The following CADM2 variants were observed in gnomAD, a reference collection of about 807,000 sequenced individuals.
The protein encoded by CADM2 is cell adhesion molecule 2.
In CADM2, 12 loss-of-function variants were observed where a neutral mutation model predicts 49.8. The observed-to-expected ratio is 0.24, with a 90% CI of 0.15 to 0.39. The LOEUF (loss-of-function observed/expected upper bound fraction) is 0.39, where lower values mean the gene tolerates loss of function less well. Ranked by LOEUF, CADM2 falls within the 10% of genes least tolerant of loss-of-function variation. The pLI, the probability that CADM2 is intolerant of heterozygous loss-of-function variation, is 1.00. For synonymous variants in CADM2, 214 were observed against 175.4 expected, an observed-to-expected ratio of 1.22 and a Z score of -1.74; for missense variants, 378 against 492.3, an observed-to-expected ratio of 0.77 and a Z score of 2.20.
At chr3:85,081,698 C>A (rs1575824913) in intron 1 of CADM2, among the ~76,000 whole-genome samples, 1 of 152,270 alleles carries the variant, frequency 6.6e-6, no homozygotes, top group East Asian at 1.9e-4. Flanking sequence ...AATTCCTCAG[C>A]TCTGTCTAAC....
chr3:85,194,600 A>G (rs2041292985), intron 1 of CADM2, among the ~76,000 whole-genome samples: 1 of 152,078 alleles, frequency 6.6e-6, no homozygotes, highest in Non-Finnish European at 1.5e-5. Context: ...AAGAATAGAA[A>G]TAAGGCTAAA....
chr3:85,808,265 A>G (rs1396738237), intron 3 of CADM2, among the ~76,000 whole-genome samples: 4 of 152,218 alleles, frequency 2.6e-5, no homozygotes, highest in African/African-American at 9.6e-5. Context: ...CCTAGAATAG[A>G]TGTAGCTAAG....
intron 1 of CADM2, among the ~76,000 whole-genome samples, chr3:85,061,951 AT>A (rs1166326264): frequency 2.6e-5 from 4 of 151,486 alleles, no homozygotes; most frequent in South Asian, 2.1e-4. Flanking sequence ...AAGAAAAAAA[AT>A]ATTTCAAGAA....
At chr3:85,082,110 T>C (rs536153948) in intron 1 of CADM2, among the ~76,000 whole-genome samples, 2 of 152,302 alleles carry the variant, frequency 1.3e-5, no homozygotes, top group East Asian at 3.9e-4. Flanking sequence ...GCTCAATTAG[T>C]AAATGACAAA....
At chr3:85,953,653 C>A (rs1227915928) in intron 7 of CADM2, among the ~76,000 whole-genome samples, 2 of 150,922 alleles carry the variant, frequency 1.3e-5, no homozygotes, top group Non-Finnish European at 3.0e-5. Context: ...TGGTTGATGA[C>A]ATATATCTTA....
chr3:85,431,412 TA>T lies in CADM2; in HGVS notation c.62-295107del, dbSNP rs374935803. 6.7e-4 allele frequency among the ~76,000 whole-genome samples: 102 copies of T among 152,268 alleles called. 1 individual carries two copies. Among genetic ancestry groups the T allele is most frequent in the African/African-American group, 2.3e-3 (97 of 41,572 alleles). On this transcript the variant is annotated intron_variant, in intron 1 of 9. Coordinates refer to ENST00000383699, the MANE Select transcript of CADM2 (RefSeq NM_001167675.2). ...ACCTCATTGGATAAGTTACAGAAACTAAATCTCCTGCTCTGCAAAATTAGGA... is the reference window on the plus strand; with the variant it reads ...ACCTCATTGGATAAGTTACAGAAACTAATCTCCTGCTCTGCAAAATTAGGA...
intron 1 of CADM2, among the ~76,000 whole-genome samples, chr3:85,020,050 T>C (rs565825513): frequency 6.6e-6 from 1 of 152,308 alleles, no homozygotes; most frequent in South Asian, 2.1e-4. Context: ...TGTGTACAAA[T>C]GTGATTATCT....
chr3:85,891,210 A>G (rs1343453950), intron 5 of CADM2, among the ~76,000 whole-genome samples: 2 of 152,202 alleles, frequency 1.3e-5, no homozygotes, highest in Non-Finnish European at 2.9e-5. Flanking sequence ...AATATCTGCT[A>G]CTTAGTGTGA....
intron 1 of CADM2, among the ~76,000 whole-genome samples, chr3:85,079,593 A>G (rs898169799): frequency 1.3e-5 from 2 of 151,874 alleles, no homozygotes; most frequent in Non-Finnish European, 3.0e-5. Flanking sequence ...ATGCTGGTAT[A>G]AGAAAATCGT....
At chr3:85,990,982 T>G (rs1421122783) in intron 8 of CADM2, among the ~76,000 whole-genome samples, 1 of 152,102 alleles carries the variant, frequency 6.6e-6, no homozygotes, top group African/African-American at 2.4e-5. Flanking sequence ...AGGACACTGA[T>G]CTCCCCCTTC....
chr3:85,384,610 G>A (rs1425461812), intron 1 of CADM2, among the ~76,000 whole-genome samples: 3 of 151,566 alleles, frequency 2.0e-5, no homozygotes, highest in Non-Finnish European at 4.4e-5. Flanking sequence ...CACCGCGCCC[G>A]CCCTCCTTTT....
At chr3:85,443,519 T>C (rs1450743449) in intron 1 of CADM2, among the ~76,000 whole-genome samples, 1 of 152,268 alleles carries the variant, frequency 6.6e-6, no homozygotes, top group East Asian at 1.9e-4. Flanking sequence ...ATTCAGTTTT[T>C]ATTCCCACTG....
intron 1 of CADM2, among the ~76,000 whole-genome samples, chr3:85,321,162 T>TTTTTTTTTTTTTTC (rs2044602673): frequency 1.3e-5 from 1 of 75,164 alleles, no homozygotes; most frequent in Non-Finnish European, 2.3e-5. Flanking sequence ...TTTTTTTTTT[T>TTTTTTTTTTTTTTC]TTTTGCGAGA....
chr3:85,295,552 C>A (rs981895116), intron 1 of CADM2, among the ~76,000 whole-genome samples: 1 of 151,888 alleles, frequency 6.6e-6, no homozygotes, highest in African/African-American at 2.4e-5. Context: ...AAATATCCAA[C>A]AATGATAGAC....
chr3:85,547,458 CATT>C lies in CADM2; in HGVS notation c.62-179060_62-179058del, dbSNP rs532724824. 5.9e-4 allele frequency among the ~76,000 whole-genome samples: 90 copies of C among 151,486 alleles called. 1 individual carries two copies. The highest frequency in any genetic ancestry group is 1.3e-3 in the Admixed American group (19 of 15,080). On this transcript the variant is annotated intron_variant, in intron 1 of 9. Transcript: ENST00000383699. ...ACATTTAATTATTCTGCAAGACTTG[CATT>C]ATTTTTTGTCATAGAGAGCTGTTTG...
chr3:85,414,609 G>GT (rs1285503452), intron 1 of CADM2, among the ~76,000 whole-genome samples: 11 of 151,838 alleles, frequency 7.2e-5, no homozygotes, highest in African/African-American at 1.9e-4. Context: ...CCCAGTTTCA[G>GT]TTTTTTTCTG....
chr3:85,791,848 C>T (rs1191261344), intron 2 of CADM2, among the ~76,000 whole-genome samples: 3 of 152,030 alleles, frequency 2.0e-5, no homozygotes, highest in East Asian at 1.9e-4. Flanking sequence ...CTCAGCCTCC[C>T]GAGTAGCTGG....
At chr3:85,746,771 C>G (rs1411729040) in intron 2 of CADM2, among the ~76,000 whole-genome samples, 3 of 152,118 alleles carry the variant, frequency 2.0e-5, no homozygotes, top group African/African-American at 7.2e-5. Flanking sequence ...TAACTCTCCC[C>G]AAGCTGCCCT....
chr3:85,074,919 C>CAA (rs772502500), intron 1 of CADM2, among the ~76,000 whole-genome samples: 12 of 139,512 alleles, frequency 8.6e-5, no homozygotes, highest in African/African-American at 2.6e-4. Flanking sequence ...GTATTCCTCT[C>CAA]AAAAAAAAAA....
Sources: gnomAD v4.1 joint callset for allele counts (sites outside exome capture counted in the v4.1 genomes callset) on GRCh38, gnomAD v4.1.1 for gene constraint, MANE v1.5 for transcripts, NCBI Gene and HGNC (gene_info 2026-07-23, HGNC 2026-07-21) for gene names.